TIMMDC1: variants seen among roughly 807,000 people sequenced by gnomAD.
TIMMDC1 encodes complex I assembly factor TIMMDC1, mitochondrial.
In TIMMDC1, 25 loss-of-function variants were observed where a neutral mutation model predicts 32.6. That is an observed-to-expected ratio of 0.77 (90% CI 0.56 to 1.07). The LOEUF (loss-of-function observed/expected upper bound fraction) is 1.07, where lower values mean the gene tolerates loss of function less well. TIMMDC1 is among the 50% of genes least tolerant of loss of function. The pLI is 0.00. For missense variants in TIMMDC1, 329 were observed against 349.2 expected, an observed-to-expected ratio of 0.94 and a Z score of 0.46; for synonymous variants, 130 against 127.6, an observed-to-expected ratio of 1.02 and a Z score of -0.13.
intron 4 of TIMMDC1, among the ~76,000 whole-genome samples, chr3:119,512,578 C>A (rs2081960794): frequency 6.6e-6 from 1 of 151,472 alleles, no homozygotes; most frequent in South Asian, 2.1e-4. Flanking sequence ...GTGCCCGGCC[C>A]CAGTTGTTGT....
At chr3:119,509,387 TATG>T (rs1163869719) in intron 4 of TIMMDC1, among the ~76,000 whole-genome samples, 1 of 152,128 alleles carries the variant, frequency 6.6e-6, no homozygotes, top group Non-Finnish European at 1.5e-5. Flanking sequence ...ATAAATAAAA[TATG>T]ATATGTCCAT....
At chr3:119,513,970 C>G (rs1197390490) in intron 5 of TIMMDC1, among the ~76,000 whole-genome samples, 1 of 152,106 alleles carries the variant, frequency 6.6e-6, no homozygotes, top group Non-Finnish European at 1.5e-5. Flanking sequence ...CTCAATACAA[C>G]TATCTAAGAT....
At chr3:119,515,478 TC>T (rs1271853626) in intron 5 of TIMMDC1, among the ~76,000 whole-genome samples, 2 of 152,344 alleles carry the variant, frequency 1.3e-5, no homozygotes, top group East Asian at 3.9e-4. Flanking sequence ...ATCTCCTTTT[TC>T]ATTATCTCAG....
intron 6 of TIMMDC1, among the ~76,000 whole-genome samples, chr3:119,519,147 C>A (rs924109267): frequency 7.0e-6 from 1 of 143,412 alleles, no homozygotes; most frequent in Admixed American, 7.0e-5. Context: ...CTTATAATTA[C>A]AAAAATCTAC....
intron 6 of TIMMDC1, among the ~76,000 whole-genome samples, chr3:119,519,509 C>T (rs147886403): frequency 4.7e-4 from 71 of 152,050 alleles, no homozygotes; most frequent in Non-Finnish European, 1.8e-4. Flanking sequence ...TAAAAAGAGA[C>T]AAGGTCATTA....
intron 4 of TIMMDC1, among the ~76,000 whole-genome samples, chr3:119,510,700 T>G (rs72952945): frequency 0.044 from 6,763 of 152,254 alleles, 465 homozygotes; most frequent in African/African-American, 0.15. Flanking sequence ...GGAACAGTTA[T>G]TAACTATTTG....
At chr3:119,514,312 G>A (rs745896109) in intron 5 of TIMMDC1, among the ~76,000 whole-genome samples, 1 of 152,048 alleles carries the variant, frequency 6.6e-6, no homozygotes, top group Non-Finnish European at 1.5e-5. Context: ...TATATGTGTG[G>A]GATGTGAATA....
chr3:119,517,012 T>C (rs1448331583), intron 5 of TIMMDC1, among the ~76,000 whole-genome samples, 193 bp from the exon 6 acceptor site: 1 of 152,204 alleles, frequency 6.6e-6, no homozygotes, highest in Non-Finnish European at 1.5e-5. Context: ...TGTTTTTGTC[T>C]GTTGTTCAGA....
At chr3:119,507,364 C>T (rs1025051665) in intron 4 of TIMMDC1, among the ~76,000 whole-genome samples, 5 of 152,014 alleles carry the variant, frequency 3.3e-5, no homozygotes, top group Middle Eastern at 3.2e-3. Flanking sequence ...CTTTGTCTTT[C>T]GGTTTGGGAA....
intron 1 of TIMMDC1, 27 bp downstream of exon 1, chr3:119,498,954 G>T (rs780210280): frequency 5.0e-6 from 8 of 1,608,432 alleles, no homozygotes; most frequent in Non-Finnish European, 6.8e-6. Context: ...TGTGAAGTGG[G>T]GTAGGGGGCC....
chr3:119,513,608 T>C, intron 4 of TIMMDC1, 33 bp from the exon 5 acceptor site: 1 of 1,507,080 alleles, frequency 6.6e-7, no homozygotes, highest in Non-Finnish European at 9.2e-7. Flanking sequence ...GTTTTAAAGA[T>C]GATTTAATAT....
At chr3:119,509,586 G>A (rs920085509) in intron 4 of TIMMDC1, among the ~76,000 whole-genome samples, 2 of 152,076 alleles carry the variant, frequency 1.3e-5, no homozygotes, top group Non-Finnish European at 2.9e-5. Flanking sequence ...GTGAGATTGG[G>A]AACCAGGAGT....
rs1254229728 is a variant in TIMMDC1 at position 119,524,282 on chromosome 3, G to A, written c.*526G>A. 5.3e-5 allele frequency: 8 copies of A among 152,216 alleles called. 1 individual carries two copies. The highest frequency in any genetic ancestry group is 5.2e-4 in the Admixed American group (8 of 15,276). The allele number at this position is 152,216 out of a possible 1,614,324, so 9.4% of individuals were successfully genotyped here. On this transcript the variant is annotated 3_prime_UTR_variant, in exon 7 of 7. Transcript: ENST00000494664. ...AAATAAAATACAAATTCAACAAAAA[G>A]TAGATCAGCATTATTAAAGAAACGG...
intron 2 of TIMMDC1, 110 bp from the exon 3 acceptor site, chr3:119,503,422 C>A: frequency 1.5e-6 from 1 of 683,544 alleles, no homozygotes; most frequent in Non-Finnish European, 2.4e-6. Context: ...GTATTTCTAT[C>A]TGTTTGGGTG....
chr3:119,506,876 C>T (rs1333619071), intron 4 of TIMMDC1, among the ~76,000 whole-genome samples: 1 of 152,190 alleles, frequency 6.6e-6, no homozygotes, highest in Admixed American at 6.5e-5. Context: ...ATCAGTCCCT[C>T]TTCTTGAATG....
intron 4 of TIMMDC1, among the ~76,000 whole-genome samples, chr3:119,506,811 T>C (rs1390600415): frequency 1.3e-5 from 2 of 152,216 alleles, no homozygotes; most frequent in African/African-American, 4.8e-5. Context: ...CGCCACTCTT[T>C]TGCTTTCACT....
At position 119,501,383 on chromosome 3, in the gene TIMMDC1, C is replaced by T. The variant is rs573237505; in HGVS notation, c.360+523C>T. ...AAAGATTTCCTATATACCTTTCATC[C>T]GGATTCTCCATTGTTAACATTTTAC... On this transcript the variant is annotated intron_variant, in intron 2 of 6. Transcript: ENST00000494664. 7.2e-5 allele frequency among the ~76,000 whole-genome samples: 11 copies of T among 152,240 alleles called. No homozygotes were observed. The East Asian group carries it at 1.3e-3, about 19-fold the overall frequency.
Position 119,513,655 on chromosome 3 carries a change from CT to C in TIMMDC1, c.537del (p.Phe179LeufsTer3), listed in dbSNP as rs767667993. On this transcript the variant is annotated frameshift_variant, in exon 5 of 7. Coordinates refer to ENST00000494664, the MANE Select transcript of TIMMDC1 (RefSeq NM_016589.4). LOFTEE classifies it high-confidence loss of function. The stretch of plus-strand genomic sequence containing the variant: ...TTTTTAAATAGCTGTCACGGGAAGT[CT>C]TTTTAGGATAAACGTAGGCCTGCGT... The part of the protein sequence containing the change: ...FVIAGAVTGS[L>X]FRINVGLRGL... 1.9e-6 allele frequency: 3 copies of C among 1,613,084 alleles called. No individual in the cohort carries two copies. The highest frequency in any genetic ancestry group is 1.3e-5 in the African/African-American group (1 of 74,978).
chr3:119,517,317 T>C lies in TIMMDC1; in HGVS notation c.707+2T>C. On this transcript the variant is annotated splice_donor_variant, in intron 6 of 6. Coordinates refer to ENST00000494664, the MANE Select transcript of TIMMDC1 (RefSeq NM_016589.4). LOFTEE classifies it high-confidence loss of function. ...CCATGAGCTAAAACTGGAAGAGTGG[T>C]AAGGAACATGTTGAGCCCAGGGAAT... 1 of 1,599,488 alleles carries C rather than the reference T, an allele frequency of 6.3e-7. No homozygotes were observed. Among genetic ancestry groups the C allele is most frequent in the Non-Finnish European group, 8.6e-7 (1 of 1,166,724 alleles).
Sources: gnomAD v4.1 joint callset for allele counts (sites outside exome capture counted in the v4.1 genomes callset) on GRCh38, gnomAD v4.1.1 for gene constraint, MANE v1.5 for transcripts, NCBI Gene and HGNC (gene_info 2026-07-23, HGNC 2026-07-21) for gene names.